The following IFT140 variants were observed in gnomAD, a reference collection of about 807,000 sequenced individuals.
IFT140 encodes the protein intraflagellar transport protein 140 homolog.
IFT140 carries 133 observed loss-of-function variants against 164.6 expected under a neutral mutation model. The ratio of observed to expected loss-of-function variants is 0.81; its 90% CI spans 0.70 to 0.93. The LOEUF (loss-of-function observed/expected upper bound fraction) is 0.93, where lower values mean the gene tolerates loss of function less well. Ranked by LOEUF, IFT140 falls within the 40% of genes least tolerant of loss-of-function variation. The pLI, the probability that IFT140 is intolerant of heterozygous loss-of-function variation, is 0.00. For synonymous variants in IFT140, 860 were observed against 817.3 expected, an observed-to-expected ratio of 1.05 and a Z score of -0.89; for missense variants, 2,045 against 1,972.3, an observed-to-expected ratio of 1.04 and a Z score of -0.70.
At chr16:1,557,033 C>G (rs959142134) in intron 19 of IFT140, among the ~76,000 whole-genome samples, 1 of 152,058 alleles carries the variant, frequency 6.6e-6, no homozygotes, top group African/African-American at 2.4e-5. Flanking sequence ...TCAGGCTGGT[C>G]TCGAACGAAC....
At chr16:1,601,589 G>A (rs866290878) in intron 4 of IFT140, among the ~76,000 whole-genome samples, 4 of 152,158 alleles carry the variant, frequency 2.6e-5, no homozygotes, top group South Asian at 4.1e-4. Context: ...TGGGAACAGC[G>A]GGCGAATCGA....
At chr16:1,582,222 T>G (rs1179770713) in intron 12 of IFT140, among the ~76,000 whole-genome samples, 1 of 152,032 alleles carries the variant, frequency 6.6e-6, no homozygotes, top group Non-Finnish European at 1.5e-5. Flanking sequence ...GATGGTAAGG[T>G]CTTGGGATGG....
intron 13 of IFT140, among the ~76,000 whole-genome samples, chr16:1,576,080 G>A (rs2034260561): frequency 2.0e-5 from 3 of 151,930 alleles, no homozygotes; most frequent in African/African-American, 7.3e-5. Flanking sequence ...GAGGTCAGAA[G>A]TTTGAGACCA....
At chr16:1,606,717 C>T (rs897738722) in intron 3 of IFT140, among the ~76,000 whole-genome samples, 1 of 152,196 alleles carries the variant, frequency 6.6e-6, no homozygotes, top group Non-Finnish European at 1.5e-5. Context: ...ACCTCGGCCT[C>T]CCAAAGTGCT....
chr16:1,579,330 C>A (rs2034435480), intron 13 of IFT140: 1 of 151,996 alleles, frequency 6.6e-6, no homozygotes, highest in Non-Finnish European at 1.5e-5. Context: ...AAGAAATGTG[C>A]ATCTAAGTGG....
At chr16:1,605,910 G>A (rs951907070) in intron 3 of IFT140, among the ~76,000 whole-genome samples, 1 of 152,224 alleles carries the variant, frequency 6.6e-6, no homozygotes, top group African/African-American at 2.4e-5. Flanking sequence ...GGTCATTAGA[G>A]CAGGCCCTAG....
At chr16:1,596,704 C>T (rs1023904269) in intron 4 of IFT140, among the ~76,000 whole-genome samples, 24 of 152,138 alleles carry the variant, frequency 1.6e-4, no homozygotes, top group Non-Finnish European at 1.0e-4. Flanking sequence ...TTCTGCCCAA[C>T]GATCCTGGAA....
intron 12 of IFT140, among the ~76,000 whole-genome samples, chr16:1,582,124 G>A (rs187781706): frequency 1.0e-3 from 155 of 152,234 alleles, no homozygotes; most frequent in Middle Eastern, 3.4e-3. Context: ...TCCTGGTGGC[G>A]GGGCCACTGC....
intron 4 of IFT140, among the ~76,000 whole-genome samples, chr16:1,593,071 A>G (rs1416734855): frequency 6.6e-6 from 1 of 152,268 alleles, no homozygotes; most frequent in African/African-American, 2.4e-5. Flanking sequence ...GTCCTGGCAG[A>G]GTGACTGGTG....
chr16:1,588,723 G>C (rs893040743), intron 7 of IFT140, among the ~76,000 whole-genome samples: 3 of 152,056 alleles, frequency 2.0e-5, no homozygotes, highest in African/African-American at 7.2e-5. Flanking sequence ...GGCCAGTGAG[G>C]AACTGAGCAG....
At chr16:1,535,483 G>A (rs991417889) in intron 19 of IFT140, among the ~76,000 whole-genome samples, 2 of 152,286 alleles carry the variant, frequency 1.3e-5, no homozygotes, top group Middle Eastern at 3.4e-3. Context: ...TCACAGACTC[G>A]GGGTTGGACG....
chr16:1,523,831 G>T lies in IFT140; in HGVS notation c.3267C>A (p.His1089Gln), dbSNP rs766892443. ...CCCACCGGTGGCCAGCCCTCACCTTGTGGTACAGCATGACCGCCCTGTCCA... is the reference window on the plus strand; with the variant it reads ...CCCACCGGTGGCCAGCCCTCACCTTTTGGTACAGCATGACCGCCCTGTCCA... Reference protein sequence around the residue: ...VQMDRAVMLYHKAGHFSKALE... With the variant: ...VQMDRAVMLYQKAGHFSKALE... Residue 1089 changes from histidine (H) to glutamine (Q), a missense_variant, in exon 25 of 31, where the codon CAC (histidine) becomes CAA (glutamine). Physicochemically the swap from His to Gln is conservative, Grantham distance 24. Coordinates refer to ENST00000426508, the MANE Select transcript of IFT140 (RefSeq NM_014714.4). 3 of 1,612,816 alleles carry T rather than the reference G, an allele frequency of 1.9e-6. No homozygotes were observed. Among genetic ancestry groups the T allele is most frequent in the Middle Eastern group, 1.7e-4 (1 of 6,056 alleles).
At chr16:1,534,355 C>T (rs1475453446) in intron 19 of IFT140, 1 of 1,612,782 alleles carries the variant, frequency 6.2e-7, no homozygotes, top group Non-Finnish European at 8.5e-7. Flanking sequence ...GCGGCCTTCA[C>T]CTCCAACTGG....
At chr16:1,586,329 A>G in intron 9 of IFT140, 54 bp from the exon 10 acceptor site, 1 of 1,545,224 alleles carries the variant, frequency 6.5e-7, no homozygotes, top group East Asian at 2.3e-5. Context: ...GGAACAAAAC[A>G]GCAACAAGCT....
chr16:1,517,012 G>A (rs1014382703), intron 30 of IFT140, among the ~76,000 whole-genome samples: 3 of 152,130 alleles, frequency 2.0e-5, no homozygotes, highest in Non-Finnish European at 2.9e-5. Flanking sequence ...AGCATCAGTT[G>A]AGCTAGGGGA....
intron 6 of IFT140, among the ~76,000 whole-genome samples, chr16:1,591,156 C>T (rs537475945): frequency 6.6e-5 from 10 of 152,350 alleles, no homozygotes; most frequent in Admixed American, 2.6e-4. Context: ...GCAGCCCACA[C>T]GCCACCAGAG....
At chr16:1,560,898 G>A (rs1437787388) in intron 18 of IFT140, among the ~76,000 whole-genome samples, 5 of 152,228 alleles carry the variant, frequency 3.3e-5, no homozygotes, top group Non-Finnish European at 7.3e-5. Context: ...GACTCTGTGC[G>A]TGTTGTTTGC....
intron 19 of IFT140, among the ~76,000 whole-genome samples, chr16:1,528,339 ACACACG>A (rs1423332294): frequency 2.8e-5 from 3 of 106,252 alleles, no homozygotes; most frequent in South Asian, 2.8e-4. Flanking sequence ...ACGTGTGCAC[ACACACG>A]CATGCACGCA....
intron 7 of IFT140, 94 bp from the exon 8 acceptor site, chr16:1,588,118 C>G: frequency 2.2e-6 from 2 of 914,906 alleles, no homozygotes. Flanking sequence ...TCAGTGACTT[C>G]ATGGAGACTC....
Sources: gnomAD v4.1 joint callset for allele counts (sites outside exome capture counted in the v4.1 genomes callset) on GRCh38, gnomAD v4.1.1 for gene constraint, MANE v1.5 for transcripts, NCBI Gene and HGNC (gene_info 2026-07-23, HGNC 2026-07-21) for gene names.